Variants in LRRC4C observed in about 807,000 individuals in gnomAD.
The protein encoded by LRRC4C is leucine-rich repeat-containing protein 4C.
LRRC4C carries 5 observed loss-of-function variants against 33.6 expected under a neutral mutation model. The observed-to-expected ratio is 0.15, with a 90% confidence interval of 0.08 to 0.31. LRRC4C has a LOEUF of 0.31. Among genes scored for constraint, LRRC4C ranks in the 10% least tolerant of loss-of-function variants. LRRC4C has a pLI of 1.00. For synonymous variants in LRRC4C, 329 were observed against 302.0 expected (o/e 1.09, Z -0.93); for missense variants, 560 against 796.7 (o/e 0.70, Z 3.58).
chr11:40,743,306 C>A (rs528422587), intron 2 of LRRC4C, among the ~76,000 whole-genome samples: 1 of 152,090 alleles, frequency 6.6e-6, no homozygotes, highest in East Asian at 1.9e-4. Context: ...TCTTATGCTC[C>A]CCTCTGTATT....
chr11:41,335,918 A>C (rs903525814), intron 1 of LRRC4C, among the ~76,000 whole-genome samples: 4 of 152,222 alleles, frequency 2.6e-5, no homozygotes, highest in Non-Finnish European at 5.9e-5. Context: ...ATTCCCACAC[A>C]GTGTCTAGCT....
In LRRC4C at chr11:41,366,809, G is replaced by C. The variant is rs77883839; in HGVS notation, c.-496+92622C>G. 3.7e-3 allele frequency among the ~76,000 whole-genome samples: 565 copies of C among 152,220 alleles called. 3 individuals carry two copies. Among genetic ancestry groups the C allele is most frequent in the African/African-American group, 0.013 (525 of 41,540 alleles). On this transcript the variant is annotated intron_variant, in intron 1 of 6. Transcript: ENST00000528697. ...ACTGGAGGAAGAAATCTATCTACAA[G>C]ACAAGGAGAAAGGATTGATCTCAGA...
At chr11:41,111,962 G>A (rs1028947447) in intron 1 of LRRC4C, among the ~76,000 whole-genome samples, 3 of 151,982 alleles carry the variant, frequency 2.0e-5, no homozygotes, top group African/African-American at 7.2e-5. Flanking sequence ...TAGCAGAAGA[G>A]GTTAGGCAAC....
chr11:41,143,824 A>C (rs894332640), intron 1 of LRRC4C, among the ~76,000 whole-genome samples: 1 of 152,170 alleles, frequency 6.6e-6, no homozygotes, highest in Non-Finnish European at 1.5e-5. Flanking sequence ...ACTAATTGAG[A>C]GGCAAGACTG....
chr11:40,606,670 A>G (rs1224360275), intron 3 of LRRC4C, among the ~76,000 whole-genome samples: 1 of 152,120 alleles, frequency 6.6e-6, no homozygotes, highest in Non-Finnish European at 1.5e-5. Flanking sequence ...ATCAACAAAG[A>G]GCTAGAAAAT....
At chr11:40,406,265 A>C (rs147403826) in intron 3 of LRRC4C, among the ~76,000 whole-genome samples, 5 of 152,198 alleles carry the variant, frequency 3.3e-5, no homozygotes, top group African/African-American at 7.2e-5. Flanking sequence ...TAGAGGCCTA[A>C]GTTTAATTAA....
intron 4 of LRRC4C, among the ~76,000 whole-genome samples, chr11:40,279,130 G>A (rs1226405318): frequency 1.3e-5 from 2 of 152,160 alleles, no homozygotes; most frequent in African/African-American, 2.4e-5. Flanking sequence ...AACTACACCT[G>A]AACTCCATGT....
chr11:40,717,907 G>A lies in LRRC4C; in HGVS notation c.-406-69629C>T, dbSNP rs573343127. On this transcript the variant is annotated intron_variant, in intron 2 of 6. Transcript: ENST00000528697. ...GCAAAGATGGCTTAAATATCTGGTA[G>A]TATATACCACAATTACTCTGTTTGC... Among the ~76,000 whole-genome samples the A allele has an allele frequency of 5.9e-5, 9 of 152,244 alleles. No individual in the cohort carries two copies. The South Asian group carries it at 1.9e-3, about 32-fold the overall frequency.
chr11:41,218,133 G>T (rs1947140741), intron 1 of LRRC4C, among the ~76,000 whole-genome samples: 1 of 44,504 alleles, frequency 2.2e-5, no homozygotes, highest in Admixed American at 3.4e-4. Context: ...ACTTCCTCAA[G>T]GTCACCAAAA....
intron 3 of LRRC4C, among the ~76,000 whole-genome samples, chr11:40,485,404 T>C (rs1590882879): frequency 6.6e-6 from 1 of 151,984 alleles, no homozygotes; most frequent in Admixed American, 6.6e-5. Flanking sequence ...TAGAGTTACA[T>C]GTTTATTCTG....
At chr11:40,794,556 T>C (rs1365706807) in intron 2 of LRRC4C, among the ~76,000 whole-genome samples, 1 of 152,112 alleles carries the variant, frequency 6.6e-6, no homozygotes, top group East Asian at 1.9e-4. Flanking sequence ...TTGGATACAA[T>C]GGAGGGTAGA....
chr11:40,469,822 G>A (rs749041352), intron 3 of LRRC4C, among the ~76,000 whole-genome samples: 1 of 152,194 alleles, frequency 6.6e-6, no homozygotes, highest in Non-Finnish European at 1.5e-5. Context: ...TAGCCAGACT[G>A]CCTCTCTAGA....
At chr11:40,746,311 C>G (rs1376085581) in intron 2 of LRRC4C, among the ~76,000 whole-genome samples, 1 of 152,130 alleles carries the variant, frequency 6.6e-6, no homozygotes, top group Non-Finnish European at 1.5e-5. Flanking sequence ...AACAGCTACA[C>G]CAAGATGTCA....
At chr11:41,180,738 C>T (rs917510542) in intron 1 of LRRC4C, among the ~76,000 whole-genome samples, 5 of 152,164 alleles carry the variant, frequency 3.3e-5, no homozygotes, top group South Asian at 2.1e-4. Context: ...CACAATTTTC[C>T]CCATTAAACC....
chr11:40,255,069 G>A (rs1426302423), intron 4 of LRRC4C, among the ~76,000 whole-genome samples: 2 of 152,072 alleles, frequency 1.3e-5, no homozygotes, highest in Non-Finnish European at 2.9e-5. Context: ...CCAAAGCTCT[G>A]GGATTACAAG....
In LRRC4C at chr11:41,348,684, C is replaced by T. The variant is rs560464292; in HGVS notation, c.-496+110747G>A. ...AATGGATGGAGGGAGGAGGCAGAGCCTGAGCTAAAAGGGAAGAAAGCTGGA... is the reference window on the plus strand; with the variant it reads ...AATGGATGGAGGGAGGAGGCAGAGCTTGAGCTAAAAGGGAAGAAAGCTGGA... On this transcript the variant is annotated intron_variant, in intron 1 of 6. Transcript: ENST00000528697. 4.6e-5 allele frequency among the ~76,000 whole-genome samples: 7 copies of T among 152,098 alleles called. No individual in the cohort carries two copies. In the East Asian group the frequency reaches 1.4e-3, roughly 30 times the overall value.
intron 2 of LRRC4C, among the ~76,000 whole-genome samples, chr11:40,914,078 C>A (rs1173451444): frequency 2.0e-5 from 3 of 152,082 alleles, no homozygotes; most frequent in Non-Finnish European, 4.4e-5. Flanking sequence ...CAAAAAAAGT[C>A]CAGGACCAGA....
At chr11:40,462,423 TA>T (rs1952443296) in intron 3 of LRRC4C, among the ~76,000 whole-genome samples, 1 of 152,072 alleles carries the variant, frequency 6.6e-6, no homozygotes, top group African/African-American at 2.4e-5. Flanking sequence ...TTCTTTAATT[TA>T]TAGAGAGTAT....
At chr11:40,341,952 G>A (rs1946884926) in intron 3 of LRRC4C, among the ~76,000 whole-genome samples, 1 of 151,042 alleles carries the variant, frequency 6.6e-6, no homozygotes, top group Middle Eastern at 3.2e-3. Context: ...ATAGCTCAGT[G>A]CTGTGCTTTG....
Sources: gnomAD v4.1 joint callset for allele counts (sites outside exome capture counted in the v4.1 genomes callset) on GRCh38, gnomAD v4.1.1 for gene constraint, MANE v1.5 for transcripts, NCBI Gene and HGNC (gene_info 2026-07-23, HGNC 2026-07-21) for gene names.